NLGN1: variants seen among roughly 807,000 people sequenced by gnomAD.
The protein encoded by NLGN1 is neuroligin 1, also known as neuroligin-1.
In NLGN1, 12 loss-of-function variants were observed where a neutral mutation model predicts 65.5. The observed-to-expected ratio is 0.18, with a 90% confidence interval of 0.12 to 0.30. NLGN1 has a LOEUF of 0.30. NLGN1 is among the 10% of genes least tolerant of loss of function. NLGN1 has a pLI of 1.00. For missense variants in NLGN1, 750 were observed against 1,007.1 expected, an observed-to-expected ratio of 0.74 and a Z score of 3.46; for synonymous variants, 350 against 359.5, an observed-to-expected ratio of 0.97 and a Z score of 0.30.
intron 3 of NLGN1, among the ~76,000 whole-genome samples, chr3:173,676,845 G>A (rs1435318211): frequency 6.6e-6 from 1 of 152,008 alleles, no homozygotes; most frequent in Non-Finnish European, 1.5e-5. Flanking sequence ...TTGGACTGTA[G>A]AACAATTCTC....
intron 1 of NLGN1, among the ~76,000 whole-genome samples, chr3:173,422,417 C>G: frequency 6.6e-6 from 1 of 152,150 alleles, no homozygotes; most frequent in South Asian, 2.1e-4. Flanking sequence ...ACCTTAGCTG[C>G]TATGAATAGC....
At chr3:173,574,604 C>G (rs1046735094) in intron 2 of NLGN1, among the ~76,000 whole-genome samples, 5 of 152,008 alleles carry the variant, frequency 3.3e-5, no homozygotes, top group African/African-American at 1.2e-4. Context: ...TTCCTATTTC[C>G]CATGAAACTA....
rs569789250 is a variant in NLGN1 at position 173,658,135 on chromosome 3, G to A, written c.493+53044G>A. ...ACAGTCTACATTATTAGTAGATGCT[G>A]TGGCTATACATATTTATACTATAAG... On this transcript the variant is annotated intron_variant, in intron 3 of 6. Coordinates refer to ENST00000457714, the Ensembl canonical transcript of NLGN1. Among the ~76,000 whole-genome samples, 41 of 152,088 alleles carry A rather than the reference G, an allele frequency of 2.7e-4. 1 individual carries two copies. In the South Asian group the frequency reaches 8.3e-3, roughly 31 times the overall value.
At chr3:173,463,709 C>A (rs1723791416) in intron 2 of NLGN1, among the ~76,000 whole-genome samples, 1 of 152,028 alleles carries the variant, frequency 6.6e-6, no homozygotes, top group South Asian at 2.1e-4. Context: ...GGATTGTCTT[C>A]TAATACTTCA....
At chr3:173,404,243 G>C (rs1389280056) in intron 1 of NLGN1, among the ~76,000 whole-genome samples, 1 of 152,054 alleles carries the variant, frequency 6.6e-6, no homozygotes, top group African/African-American at 2.4e-5. Context: ...AAACCACAAT[G>C]TAAAGGAAAC....
chr3:173,932,183 T>C (rs1744217879), intron 4 of NLGN1, among the ~76,000 whole-genome samples: 1 of 152,126 alleles, frequency 6.6e-6, no homozygotes, highest in South Asian at 2.1e-4. Flanking sequence ...ATGAGCTATT[T>C]GGTTATTTTT....
At chr3:173,604,885 A>T in exon 3 of NLGN1, 1 of 1,613,712 alleles carries the variant, frequency 6.2e-7, no homozygotes, top group Non-Finnish European at 8.5e-7. Context: ...CGTCGTTTTC[A>T]GCCTCCAGAA....
At chr3:173,489,971 G>A (rs1728833017) in intron 2 of NLGN1, among the ~76,000 whole-genome samples, 2 of 152,296 alleles carry the variant, frequency 1.3e-5, no homozygotes, top group South Asian at 4.1e-4. Flanking sequence ...GTTGTTTGTA[G>A]ATTGTGGATA....
intron 4 of NLGN1, among the ~76,000 whole-genome samples, chr3:173,835,798 C>T (rs986117202): frequency 1.3e-5 from 2 of 151,922 alleles, no homozygotes; most frequent in Non-Finnish European, 2.9e-5. Flanking sequence ...AAGAGGCGAA[C>T]ATCAGTTGAA....
At chr3:173,777,160 G>T (rs1283093462) in intron 3 of NLGN1, among the ~76,000 whole-genome samples, 1 of 151,892 alleles carries the variant, frequency 6.6e-6, no homozygotes, top group Non-Finnish European at 1.5e-5. Context: ...CCTAATAGGC[G>T]TTTGAAAAGA....
intron 2 of NLGN1, among the ~76,000 whole-genome samples, chr3:173,535,899 C>T (rs1737356086): frequency 6.6e-6 from 1 of 152,270 alleles, no homozygotes; most frequent in African/African-American, 2.4e-5. Flanking sequence ...ACTGAGAAAA[C>T]ATTCACTGTC....
At chr3:173,605,042 C>A in exon 3 of NLGN1, 1 of 1,612,944 alleles carries the variant, frequency 6.2e-7, no homozygotes, top group Non-Finnish European at 8.5e-7. Context: ...ATGTGCAAGA[C>A]CAGAGCGAAG....
chr3:174,255,405 C>T (rs1745504345), intron 4 of NLGN1, among the ~76,000 whole-genome samples: 1 of 132,910 alleles, frequency 7.5e-6, no homozygotes, highest in South Asian at 2.4e-4. Flanking sequence ...CACTGCACTC[C>T]AGCCTAGGCG....
At chr3:173,421,871 T>G (rs1715124161) in intron 1 of NLGN1, among the ~76,000 whole-genome samples, 1 of 152,144 alleles carries the variant, frequency 6.6e-6, no homozygotes, top group Non-Finnish European at 1.5e-5. Flanking sequence ...TTAGGCTTCT[T>G]CAGTCTGATA....
At chr3:174,075,145 A>C (rs913258766) in intron 4 of NLGN1, among the ~76,000 whole-genome samples, 5 of 152,164 alleles carry the variant, frequency 3.3e-5, no homozygotes, top group Non-Finnish European at 7.3e-5. Flanking sequence ...TGCATCCTGA[A>C]TTCTGGTGGC....
chr3:174,182,835 A>G (rs1454287064), intron 4 of NLGN1, among the ~76,000 whole-genome samples: 1 of 152,074 alleles, frequency 6.6e-6, no homozygotes, highest in Non-Finnish European at 1.5e-5. Flanking sequence ...AGCCTTTCTG[A>G]CACAATCTCA....
At chr3:173,743,441 G>A (rs1223667899) in intron 3 of NLGN1, among the ~76,000 whole-genome samples, 2 of 152,014 alleles carry the variant, frequency 1.3e-5, no homozygotes, top group Non-Finnish European at 2.9e-5. Context: ...TTGAACAGCT[G>A]CTACTTATTA....
At chr3:173,905,422 G>A (rs904168679) in intron 4 of NLGN1, among the ~76,000 whole-genome samples, 6 of 152,184 alleles carry the variant, frequency 3.9e-5, no homozygotes, top group Non-Finnish European at 7.3e-5. Context: ...GCTTCATGCT[G>A]GTTCACTGAG....
intron 3 of NLGN1, among the ~76,000 whole-genome samples, chr3:173,778,974 G>T (rs1044918537): frequency 8.6e-5 from 13 of 150,362 alleles, no homozygotes; most frequent in Non-Finnish European, 1.5e-4. Context: ...GTGTATTCCT[G>T]GTATAATAAA....
Sources: allele counts gnomAD v4.1 joint callset (sites outside exome capture counted in the v4.1 genomes callset), GRCh38; gene constraint gnomAD v4.1.1; transcripts MANE v1.5; gene names NCBI Gene and HGNC (gene_info 2026-07-23, HGNC 2026-07-21).